The following CTNND2 variants were observed in gnomAD, a reference collection of about 807,000 sequenced individuals.
The protein encoded by CTNND2 is catenin delta-2.
Under a neutral mutation model 144.4 loss-of-function variants are expected in CTNND2, and 22 were observed. The observed-to-expected ratio is 0.15, with a 90% CI of 0.11 to 0.22. The LOEUF (loss-of-function observed/expected upper bound fraction) is 0.22, where lower values mean the gene tolerates loss of function less well. CTNND2 is among the 10% of genes least tolerant of loss of function. The pLI is 1.00. For synonymous variants in CTNND2, 751 were observed against 695.6 expected, an observed-to-expected ratio of 1.08 and a Z score of -1.25; for missense variants, 1,353 against 1,618.8, an observed-to-expected ratio of 0.84 and a Z score of 2.82.
chr5:11,232,009 G>A, intron 10 of CTNND2, among the ~76,000 whole-genome samples: 1 of 152,244 alleles, frequency 6.6e-6, no homozygotes, highest in Admixed American at 6.5e-5. Context: ...GAGGGTGTGA[G>A]CCCCAAGCCT....
At chr5:11,018,922 T>C (rs1270212725) in intron 17 of CTNND2, among the ~76,000 whole-genome samples, 7 of 152,184 alleles carry the variant, frequency 4.6e-5, no homozygotes, top group African/African-American at 1.7e-4. Context: ...TTGGTCAGGC[T>C]GGTCTCGAAC....
chr5:11,528,717 T>C (rs1024175774), intron 3 of CTNND2, among the ~76,000 whole-genome samples: 1 of 152,182 alleles, frequency 6.6e-6, no homozygotes, highest in Non-Finnish European at 1.5e-5. Flanking sequence ...CTGGCCTTTC[T>C]GAGATGCACA....
intron 1 of CTNND2, among the ~76,000 whole-genome samples, chr5:11,797,603 A>T (rs1328309781): frequency 6.6e-6 from 1 of 152,228 alleles, no homozygotes; most frequent in African/African-American, 2.4e-5. Context: ...GTACTTGAAT[A>T]ATTTAAATAT....
chr5:11,004,387 A>G (rs910861994), intron 18 of CTNND2, among the ~76,000 whole-genome samples: 24 of 152,240 alleles, frequency 1.6e-4, no homozygotes, highest in African/African-American at 5.3e-4. Context: ...GCTATTTTAC[A>G]TATACACTCA....
At chr5:11,154,839 T>A (rs1029866581) in intron 12 of CTNND2, among the ~76,000 whole-genome samples, 1 of 152,222 alleles carries the variant, frequency 6.6e-6, no homozygotes. Context: ...CAATTCTTAG[T>A]TATCCCTGAA....
intron 2 of CTNND2, among the ~76,000 whole-genome samples, chr5:11,698,352 G>A (rs921690637): frequency 6.6e-6 from 1 of 150,944 alleles, no homozygotes; most frequent in Middle Eastern, 3.4e-3. Flanking sequence ...GCAGTGGCGC[G>A]ATCTCGGCCC....
intron 5 of CTNND2, among the ~76,000 whole-genome samples, chr5:11,397,883 TCTTA>T (rs1345592604): frequency 1.3e-5 from 2 of 152,230 alleles, no homozygotes; most frequent in Non-Finnish European, 2.9e-5. Flanking sequence ...CAGTTTCTGG[TCTTA>T]CTTAATTATA....
At chr5:11,629,280 C>A (rs1035949670) in intron 2 of CTNND2, among the ~76,000 whole-genome samples, 5 of 152,110 alleles carry the variant, frequency 3.3e-5, no homozygotes, top group African/African-American at 9.7e-5. Flanking sequence ...ACAACAACAA[C>A]AACAACTCAT....
At chr5:11,580,565 A>C (rs1397171907) in intron 2 of CTNND2, among the ~76,000 whole-genome samples, 1 of 152,164 alleles carries the variant, frequency 6.6e-6, no homozygotes, top group Non-Finnish European at 1.5e-5. Flanking sequence ...GCAACGTCTT[A>C]AAGTCTCGTA....
At chr5:11,577,490 C>T (rs953314715) in intron 2 of CTNND2, among the ~76,000 whole-genome samples, 1 of 152,166 alleles carries the variant, frequency 6.6e-6, no homozygotes, top group Non-Finnish European at 1.5e-5. Context: ...ACGTCACATG[C>T]AGGAACTAGT....
chr5:11,816,570 T>C (rs977853266), intron 1 of CTNND2, among the ~76,000 whole-genome samples: 2 of 132,888 alleles, frequency 1.5e-5, no homozygotes, highest in African/African-American at 2.9e-5. Flanking sequence ...CTTGCTCCAG[T>C]ACCAGAGAAG....
intron 18 of CTNND2, among the ~76,000 whole-genome samples, chr5:11,001,839 A>G (rs1240833488): frequency 6.7e-6 from 1 of 148,912 alleles, no homozygotes; most frequent in Non-Finnish European, 1.5e-5. Flanking sequence ...TCCACTGACC[A>G]TGTTTCAGTG....
At position 11,482,159 on chromosome 5, in the gene CTNND2, C is replaced by T. The variant is rs77212128; in HGVS notation, c.288-70090G>A. Among the ~76,000 whole-genome samples the T allele has an allele frequency of 6.9e-3, 1,043 of 152,176 alleles. 15 individuals carry two copies. Among genetic ancestry groups the T allele is most frequent in the African/African-American group, 0.024 (997 of 41,512 alleles). On this transcript the variant is annotated intron_variant, in intron 3 of 21. Coordinates refer to ENST00000304623, the MANE Select transcript of CTNND2 (RefSeq NM_001332.4). ...GACACTATGGCACTGACCTCAATACCGCAGGAATTGGTGTTTTGCAGTTTC... is the reference window on the plus strand; with the variant it reads ...GACACTATGGCACTGACCTCAATACTGCAGGAATTGGTGTTTTGCAGTTTC...
At chr5:11,168,683 T>A (rs1177774191) in intron 11 of CTNND2, among the ~76,000 whole-genome samples, 1 of 152,214 alleles carries the variant, frequency 6.6e-6, no homozygotes, top group African/African-American at 2.4e-5. Flanking sequence ...CTGACAGCTG[T>A]CATATTCTTC....
intron 19 of CTNND2, among the ~76,000 whole-genome samples, chr5:10,990,641 T>G (rs61751690): frequency 1.3e-4 from 20 of 152,352 alleles, no homozygotes; most frequent in Non-Finnish European, 2.6e-4. Context: ...ATTGCCCAGA[T>G]GGTGGTGTTT....
chr5:11,332,753 C>T (rs2149718212), intron 9 of CTNND2, among the ~76,000 whole-genome samples: 1 of 152,258 alleles, frequency 6.6e-6, no homozygotes, highest in Admixed American at 6.5e-5. Context: ...AACTGTGTCC[C>T]CACACAAATC....
intron 2 of CTNND2, among the ~76,000 whole-genome samples, chr5:11,579,476 C>T (rs1284814589): frequency 3.9e-5 from 6 of 152,132 alleles, no homozygotes; most frequent in Non-Finnish European, 8.8e-5. Context: ...GAATTTGTCA[C>T]ACCGTAGACA....
chr5:11,302,434 C>A (rs1749707011), intron 9 of CTNND2, among the ~76,000 whole-genome samples: 1 of 152,136 alleles, frequency 6.6e-6, no homozygotes, highest in Non-Finnish European at 1.5e-5. Flanking sequence ...GGAAGTTATT[C>A]TCCTTTATCC....
chr5:11,880,887 T>C (rs1291514037), intron 1 of CTNND2, among the ~76,000 whole-genome samples: 3 of 146,792 alleles, frequency 2.0e-5, no homozygotes, highest in Admixed American at 6.8e-5. Context: ...CTAGTACTAC[T>C]ACTACTACCA....
Sources: allele counts gnomAD v4.1 joint callset (sites outside exome capture counted in the v4.1 genomes callset), GRCh38; gene constraint gnomAD v4.1.1; transcripts MANE v1.5; gene names NCBI Gene and HGNC (gene_info 2026-07-23, HGNC 2026-07-21).